The following BTBD7 variants were observed in gnomAD, a reference collection of about 807,000 sequenced individuals.
BTBD7 encodes the protein BTB domain containing 7, also known as BTB/POZ domain-containing protein 7.
BTBD7 carries 38 observed loss-of-function variants against 99.9 expected under a neutral mutation model. That is an observed-to-expected ratio of 0.38 (90% confidence interval 0.29 to 0.50). The LOEUF (loss-of-function observed/expected upper bound fraction) is 0.50. BTBD7 is among the 20% of genes least tolerant of loss of function. The probability of loss-of-function intolerance (pLI) is 0.93; values close to 1 mark genes in which losing one functional copy is unlikely to be tolerated. For synonymous variants in BTBD7, 520 were observed against 511.4 expected (o/e 1.02, Z -0.23); for missense variants, 1,170 against 1,394.6 (o/e 0.84, Z 2.57).
At chr14:93,279,441 T>C (rs556870893) in intron 3 of BTBD7, among the ~76,000 whole-genome samples, 16 of 152,310 alleles carry the variant, frequency 1.1e-4, no homozygotes, top group South Asian at 2.1e-4. Flanking sequence ...CCCTTCCATA[T>C]TGGGGTCTGG....
At position 93,242,715 on chromosome 14, in the gene BTBD7, C is replaced by A; in HGVS notation, c.2957G>T (p.Ser986Ile). 6.2e-7 allele frequency: 1 copy of A among 1,614,208 alleles called. No individual in the cohort carries two copies. Residue 986 changes from serine (S) to isoleucine (I), a missense_variant, in exon 11 of 11, where the codon AGT (serine) becomes ATT (isoleucine). This residue lies in a region of BTBD7 where 495 missense variants were observed against 525.9 expected (regional missense o/e 0.94). Coordinates refer to ENST00000334746, the MANE Select transcript of BTBD7 (RefSeq NM_001002860.4). ...AGGTAGGTAGGCTGACTTTAAGCCACTTGGTGATGCCTTATTGTGGCTGTA... is the reference window on the plus strand; with the variant it reads ...AGGTAGGTAGGCTGACTTTAAGCCAATTGGTGATGCCTTATTGTGGCTGTA... Reference protein sequence around the residue: ...DLYSHNKASPSGLKSAYLPGQ... With the variant: ...DLYSHNKASPIGLKSAYLPGQ...
At chr14:93,323,703 T>C (rs1218310886) in intron 1 of BTBD7, among the ~76,000 whole-genome samples, 1 of 152,186 alleles carries the variant, frequency 6.6e-6, no homozygotes, top group Non-Finnish European at 1.5e-5. Flanking sequence ...TTTATCTAAA[T>C]GAAAATGTCT....
In BTBD7 at chr14:93,294,632, T is replaced by C. The variant is rs751202083; in HGVS notation, c.388A>G (p.Lys130Glu). Reference protein sequence around the residue: ...LARPEARTLQKDMADLYEYKY... With the variant: ...LARPEARTLQEDMADLYEYKY... ...TACTCATAAAGATCAGCCATATCTT[T>C]CTGCAATGTCCGGGCTTCTGGTCTA... Residue 130 changes from lysine (K) to glutamate (E), a missense_variant, in exon 3 of 11, where the codon AAA (lysine) becomes GAA (glutamate). Transcript: ENST00000334746. 2.5e-6 allele frequency: 4 copies of C among 1,614,026 alleles called. No individual in the cohort carries two copies. In the East Asian group the frequency reaches 8.9e-5, roughly 36 times the overall value.
chr14:93,249,412 G>A (rs1272961586), intron 8 of BTBD7, among the ~76,000 whole-genome samples: 1 of 152,108 alleles, frequency 6.6e-6, no homozygotes. Flanking sequence ...GTGAAGAGAG[G>A]AGGCAGAAAG....
intron 1 of BTBD7, among the ~76,000 whole-genome samples, chr14:93,314,156 A>G (rs2139810320): frequency 6.6e-6 from 1 of 152,336 alleles, no homozygotes; most frequent in South Asian, 2.1e-4. Context: ...GTTAACTCTT[A>G]GCTGTTTAAA....
At chr14:93,275,699 T>C (rs1476679748) in intron 3 of BTBD7, among the ~76,000 whole-genome samples, 1 of 152,232 alleles carries the variant, frequency 6.6e-6, no homozygotes, top group Non-Finnish European at 1.5e-5. Flanking sequence ...GCTATGAATC[T>C]GTACAGTGTG....
intron 1 of BTBD7, among the ~76,000 whole-genome samples, chr14:93,299,770 C>T (rs1167570832): frequency 6.6e-6 from 1 of 152,126 alleles, no homozygotes; most frequent in Non-Finnish European, 1.5e-5. Context: ...ACCCCCTTAC[C>T]CCAGCCCCAA....
At chr14:93,323,809 A>G (rs1020751898) in intron 1 of BTBD7, among the ~76,000 whole-genome samples, 2 of 152,232 alleles carry the variant, frequency 1.3e-5, no homozygotes, top group Non-Finnish European at 2.9e-5. Flanking sequence ...GTTTATTTAA[A>G]AAATGGCTTA....
chr14:93,308,287 C>CAAAA (rs869127588), intron 1 of BTBD7, among the ~76,000 whole-genome samples: 1 of 74,930 alleles, frequency 1.3e-5, no homozygotes, highest in Non-Finnish European at 2.9e-5. Context: ...ACTCGGTCTC[C>CAAAA]AAAAAAAAAA....
chr14:93,287,132 G>A (rs527861583), intron 3 of BTBD7, among the ~76,000 whole-genome samples: 19 of 151,804 alleles, frequency 1.3e-4, no homozygotes, highest in African/African-American at 4.1e-4. Flanking sequence ...GTGAGGCTGA[G>A]GCAGGAGAAT....
chr14:93,262,368 C>T (rs952719929), intron 4 of BTBD7, among the ~76,000 whole-genome samples: 4 of 152,020 alleles, frequency 2.6e-5, no homozygotes, highest in Admixed American at 6.6e-5. Flanking sequence ...CTCCTGACCT[C>T]GTGATCCGCC....
intron 4 of BTBD7, 140 bp downstream of exon 4, chr14:93,263,645 G>GA: frequency 1.4e-6 from 1 of 720,360 alleles, no homozygotes; most frequent in Non-Finnish European, 2.3e-6. Flanking sequence ...GTACAACTAT[G>GA]AAGAGGGCAG....
chr14:93,331,716 A>G lies in BTBD7; in HGVS notation c.-107+1104T>C, dbSNP rs557568912. 5.3e-5 allele frequency among the ~76,000 whole-genome samples: 8 copies of G among 152,280 alleles called. 1 individual carries two copies. The highest frequency in any genetic ancestry group is 1.9e-4 in the African/African-American group (8 of 41,554). ...GCCAACATGGTGAAACCACGTCTCT[A>G]TTAAAAATACAAAAACTAGCCGGGC... On this transcript the variant is annotated intron_variant, in intron 1 of 10. Coordinates refer to ENST00000334746, the MANE Select transcript of BTBD7 (RefSeq NM_001002860.4).
At chr14:93,328,687 G>A (rs530003306) in intron 1 of BTBD7, among the ~76,000 whole-genome samples, 25 of 151,034 alleles carry the variant, frequency 1.7e-4, no homozygotes, top group South Asian at 8.4e-4. Flanking sequence ...GGGTTGAGGC[G>A]GGAGGACCAC....
rs1438410480 is a variant in BTBD7, at chr14:93,300,772, G to GTGTGTGTATA, written c.-106-4616_-106-4615insTATACACACA. The stretch of plus-strand genomic sequence containing the variant: ...TGTGTGTGTGTGTGTGTGTGTGTGT[G>GTGTGTGTATA]TATATATATATATATTTTTTTTTTG... On this transcript the variant is annotated intron_variant, in intron 1 of 10. Coordinates refer to ENST00000334746, the MANE Select transcript of BTBD7 (RefSeq NM_001002860.4). 7.4e-5 allele frequency among the ~76,000 whole-genome samples: 5 copies of GTGTGTGTATA among 67,884 alleles called. 1 individual carries two copies. Among genetic ancestry groups the GTGTGTGTATA allele is most frequent in the East Asian group, 4.4e-4 (1 of 2,266 alleles). 44.5% of individuals were successfully genotyped at this position (67,884 alleles called of 152,430 possible).
chr14:93,283,974 G>T (rs1276478298), intron 3 of BTBD7, among the ~76,000 whole-genome samples: 1 of 152,048 alleles, frequency 6.6e-6, no homozygotes, highest in Non-Finnish European at 1.5e-5. Flanking sequence ...GGACAAGTAA[G>T]AAATAAAAAG....
chr14:93,314,818 G>A (rs1456054202), intron 1 of BTBD7, among the ~76,000 whole-genome samples: 2 of 152,134 alleles, frequency 1.3e-5, no homozygotes, highest in African/African-American at 4.8e-5. Flanking sequence ...CAATCTGATG[G>A]AGGAAAAATT....
chr14:93,242,750 AC>A lies in BTBD7; in HGVS notation c.2921del (p.Gly974ValfsTer15). On this transcript the variant is annotated frameshift_variant, in exon 11 of 11. Coordinates refer to ENST00000334746, the MANE Select transcript of BTBD7 (RefSeq NM_001002860.4). LOFTEE classifies it high-confidence loss of function. Reference sequence around the variant, plus strand: ...CCTTATTGTGGCTGTACAGATCGGGACCAAAATATCCACCTTGCGAAGGGGA... The same window carrying A: ...CCTTATTGTGGCTGTACAGATCGGGACAAAATATCCACCTTGCGAAGGGGA... Reference protein sequence around the residue: ...TPSPSQGGYFGPDLYSHNKAS... With the variant: ...TPSPSQGGYFXPDLYSHNKAS... 6.2e-7 allele frequency: 1 copy of A among 1,614,190 alleles called. No individual in the cohort carries two copies.
intron 1 of BTBD7, among the ~76,000 whole-genome samples, chr14:93,306,467 A>C (rs1247197048): frequency 2.0e-5 from 3 of 151,808 alleles, no homozygotes; most frequent in Non-Finnish European, 2.9e-5. Context: ...AGACGTTATC[A>C]AGGAAGAAAC....
Sources: gnomAD v4.1 joint callset for allele counts (sites outside exome capture counted in the v4.1 genomes callset) on GRCh38, gnomAD v4.1.1 for gene constraint, gnomAD v4.1.1 regional missense constraint, MANE v1.5 for transcripts, NCBI Gene and HGNC (gene_info 2026-07-23, HGNC 2026-07-21) for gene names.